MDM2: variants seen among roughly 807,000 people sequenced by gnomAD.
The protein encoded by MDM2 is E3 ubiquitin-protein ligase Mdm2.
In MDM2, 11 loss-of-function variants were observed where a neutral mutation model predicts 64.3. That is an observed-to-expected ratio of 0.17 (90% CI 0.11 to 0.28). The LOEUF (loss-of-function observed/expected upper bound fraction) is 0.28, where lower values mean the gene tolerates loss of function less well. MDM2 is among the 10% of genes least tolerant of loss of function. MDM2 has a pLI of 1.00. For synonymous variants in MDM2, 194 were observed against 192.9 expected (o/e 1.01, Z -0.05); for missense variants, 388 against 577.1 (o/e 0.67, Z 3.36).
rs758860429 is a variant in MDM2, at chr12:68,836,696, G to A, written c.865G>A (p.Ala289Thr). ...DEVYQVTVYQ[A>T]GESDTDSFEE... ...GGTATATCAAGTTACTGTGTATCAG[G>A]CAGGGGAGAGTGATACAGATTCATT... The change falls in exon 10 of 11, where the codon GCA becomes ACA. Residue 289 changes from alanine to threonine, a missense_variant. Ala to Thr is a moderately conservative substitution (Grantham distance 58). Coordinates refer to ENST00000258149, the MANE Select transcript of MDM2 (RefSeq NM_002392.6). The A allele has an allele frequency of 1.2e-5, 20 of 1,611,538 alleles. No individual in the cohort carries two copies. Among genetic ancestry groups the A allele is most frequent in the Middle Eastern group, 1.7e-4 (1 of 6,058 alleles).
intron 8 of MDM2, among the ~76,000 whole-genome samples, chr12:68,831,373 T>C (rs1485926742): frequency 8.5e-5 from 13 of 152,130 alleles, no homozygotes. Context: ...CTCAGAGGAT[T>C]GGTTTGACCA....
In MDM2 at chr12:68,845,508, T is replaced by TA. The variant is rs1464208057; in HGVS notation, c.*5661dup. 5.1e-6 allele frequency: 1 copy of TA among 197,436 alleles called. No individual in the cohort carries two copies. Among genetic ancestry groups the TA allele is most frequent in the Non-Finnish European group, 1.0e-5 (1 of 95,460 alleles). The allele number at this position is 197,436 out of a possible 1,614,324, so 12.2% of individuals were successfully genotyped here. ...TGTACTCAAATATTTAACGTTAGAG[T>TA]AATAGTATTTTGAATGAAAACCATA... On this transcript the variant is annotated 3_prime_UTR_variant, in exon 11 of 11. Coordinates refer to ENST00000258149, the MANE Select transcript of MDM2 (RefSeq NM_002392.6).
chr12:68,833,417 T>TTAAA (rs1434272355), intron 8 of MDM2, among the ~76,000 whole-genome samples: 1 of 139,792 alleles, frequency 7.2e-6, no homozygotes, highest in African/African-American at 2.7e-5. Context: ...AATATATATT[T>TTAAA]TAAATATTTA....
In MDM2 at chr12:68,809,095, C is replaced by T. The variant is rs901957561; in HGVS notation, c.15-113C>T. On this transcript the variant is annotated intron_variant, in intron 1 of 10. Transcript: ENST00000258149. ...TTTCTCTGCTGATCCAGGTAAGCAC[C>T]GACTTGCTTGTAGCTTTAGTTTTAA... is the stretch of plus-strand genomic sequence containing the variant. 2.6e-6 allele frequency: 4 copies of T among 1,533,398 alleles called. No individual in the cohort carries two copies. The African/African-American group carries it at 5.5e-5, about 21-fold the overall frequency. 95.0% of individuals were successfully genotyped at this position (1,533,398 alleles called of 1,614,324 possible). A position where few individuals can be genotyped will look rare whatever the true frequency, so the allele number is the denominator to read the frequency against.
At chr12:68,816,174 T>G (rs1881351483) in intron 3 of MDM2, among the ~76,000 whole-genome samples, 1 of 152,122 alleles carries the variant, frequency 6.6e-6, no homozygotes, top group South Asian at 2.1e-4. Flanking sequence ...TTTTTGTTTC[T>G]GCAACTTTTT....
downstream of MDM2, chr12:68,847,491 T>TA (rs1404928620): frequency 8.0e-6 from 1 of 124,678 alleles, no homozygotes; most frequent in South Asian, 2.4e-4. Flanking sequence ...TCCCGCTGTT[T>TA]AGCCCAGGCC....
chr12:68,848,136 T>TA (rs1238626331), downstream of MDM2: 2 of 152,190 alleles, frequency 1.3e-5, no homozygotes, highest in African/African-American at 4.8e-5. Flanking sequence ...CTTAAAAAAA[T>TA]AAAAAATAAC....
chr12:68,818,207 C>T (rs1415007791), intron 4 of MDM2, among the ~76,000 whole-genome samples: 1 of 152,116 alleles, frequency 6.6e-6, no homozygotes, highest in Non-Finnish European at 1.5e-5. Flanking sequence ...AATTAACTAG[C>T]TTCTGCTAGT....
chr12:68,811,601 A>ATT (rs34328350), intron 2 of MDM2, among the ~76,000 whole-genome samples: 1,272 of 114,318 alleles, frequency 0.011, 55 homozygotes, highest in African/African-American at 0.03. Flanking sequence ...TCCATTACAG[A>ATT]TTTTTTTTTT....
At chr12:68,828,580 T>C in intron 7 of MDM2, 191 bp from the exon 8 acceptor site, 2 of 498,798 alleles carry the variant, frequency 4.0e-6, no homozygotes, top group South Asian at 4.8e-5. Context: ...TCTCAGACAA[T>C]AAATAAATAA....
chr12:68,818,786 G>A (rs1335514828), intron 4 of MDM2, among the ~76,000 whole-genome samples: 1 of 150,168 alleles, frequency 6.7e-6, no homozygotes, highest in Non-Finnish European at 1.5e-5. Flanking sequence ...TTGAGATGAA[G>A]TCTTGCTCTG....
At chr12:68,808,557 G>A (rs927029501) in intron 1 of MDM2, 66 bp downstream of exon 1, 1 of 1,607,994 alleles carries the variant, frequency 6.2e-7, no homozygotes, top group Admixed American at 1.7e-5. Flanking sequence ...TCTATCGCTG[G>A]TTCCCAGCCT....
chr12:68,847,452 C>CTTTTCTT (rs1884399778), downstream of MDM2: 1 of 88,722 alleles, frequency 1.1e-5, no homozygotes, highest in African/African-American at 5.6e-5. Flanking sequence ...TATCTCCTTT[C>CTTTTCTT]TTTTTTTTTT....
chr12:68,810,861 TG>T (rs1195684215), intron 2 of MDM2, among the ~76,000 whole-genome samples: 3 of 151,966 alleles, frequency 2.0e-5, no homozygotes, highest in Non-Finnish European at 2.9e-5. Flanking sequence ...CTTTCCTTTT[TG>T]TTTTTGTTTT....
intron 4 of MDM2, among the ~76,000 whole-genome samples, chr12:68,819,526 T>A (rs992300741): frequency 2.0e-5 from 3 of 152,152 alleles, no homozygotes; most frequent in Non-Finnish European, 4.4e-5. Flanking sequence ...AGTTTTGCTC[T>A]TGTTGCCCAG....
Position 68,842,989 on chromosome 12 carries a change from A to G in MDM2, c.*3140A>G, listed in dbSNP as rs1883921874. 4.7e-6 allele frequency: 1 copy of G among 212,108 alleles called. No homozygotes were observed. Among genetic ancestry groups the G allele is most frequent in the South Asian group, 1.9e-4 (1 of 5,342 alleles). 13.1% of individuals were successfully genotyped at this position (212,108 alleles called of 1,614,324 possible). On this transcript the variant is annotated 3_prime_UTR_variant, in exon 11 of 11. Coordinates refer to ENST00000258149, the MANE Select transcript of MDM2 (RefSeq NM_002392.6). ...TATAATTTCTGCTTTGGCAAATACT[A>G]AGTTCTAACTTGTCATTCCTGGTAG...
chr12:68,824,223 C>T, intron 5 of MDM2, 140 bp from the exon 6 acceptor site: 2 of 593,320 alleles, frequency 3.4e-6, no homozygotes, highest in Admixed American at 3.4e-5. Context: ...GAGGATGCCA[C>T]CTGGAAAATA....
At chr12:68,817,581 C>G (rs1005256539) in intron 4 of MDM2, among the ~76,000 whole-genome samples, 25 of 151,802 alleles carry the variant, frequency 1.6e-4, no homozygotes, top group African/African-American at 5.8e-4. Context: ...GAAACCCTGT[C>G]TCTACTAAAA....
At chr12:68,810,874 G>GT (rs543850697) in intron 2 of MDM2, among the ~76,000 whole-genome samples, 373 of 149,456 alleles carry the variant, frequency 2.5e-3, no homozygotes, top group Middle Eastern at 0.014. Flanking sequence ...TTTTGTTTTT[G>GT]TTTTTTTTGA....
Sources: gnomAD v4.1 joint callset for allele counts (sites outside exome capture counted in the v4.1 genomes callset) on GRCh38, gnomAD v4.1.1 for gene constraint, MANE v1.5 for transcripts, NCBI Gene and HGNC (gene_info 2026-07-23, HGNC 2026-07-21) for gene names.